Variants in SSBP3 observed in about 807,000 individuals in gnomAD.
The protein encoded by SSBP3 is single-stranded DNA-binding protein 3.
SSBP3 carries 5 observed loss-of-function variants against 69.6 expected under a neutral mutation model. That is an observed-to-expected ratio of 0.07 (90% confidence interval 0.04 to 0.15). The LOEUF (loss-of-function observed/expected upper bound fraction) is 0.15, where lower values mean the gene tolerates loss of function less well. Among genes scored for constraint, SSBP3 ranks in the 10% least tolerant of loss-of-function variants. SSBP3 has a pLI of 1.00. For missense variants in SSBP3, 312 were observed against 534.0 expected, an observed-to-expected ratio of 0.58 and a Z score of 4.10; for synonymous variants, 196 against 193.4, an observed-to-expected ratio of 1.01 and a Z score of -0.11.
chr1:54,311,217 C>A (rs1424032327), intron 4 of SSBP3, among the ~76,000 whole-genome samples: 2 of 152,134 alleles, frequency 1.3e-5, no homozygotes, highest in African/African-American at 4.8e-5. Flanking sequence ...GGGCTCAAGA[C>A]GGAAATCCAC....
chr1:54,272,048 C>T (rs1217391578), intron 5 of SSBP3, among the ~76,000 whole-genome samples: 3 of 152,156 alleles, frequency 2.0e-5, no homozygotes, highest in African/African-American at 7.2e-5. Flanking sequence ...GGATTATAGG[C>T]GTGAGCCACC....
intron 4 of SSBP3, among the ~76,000 whole-genome samples, chr1:54,295,620 G>A (rs1645690639): frequency 1.3e-5 from 2 of 152,142 alleles, no homozygotes; most frequent in Non-Finnish European, 2.9e-5. Context: ...CTGTAATATA[G>A]GACAATCTCT....
chr1:54,370,352 A>G (rs1186416392), intron 4 of SSBP3, among the ~76,000 whole-genome samples: 6 of 152,186 alleles, frequency 3.9e-5, no homozygotes, highest in Non-Finnish European at 8.8e-5. Context: ...TGGCGATGCT[A>G]TTCGATTGAT....
intron 4 of SSBP3, among the ~76,000 whole-genome samples, chr1:54,316,925 C>T (rs1646125270): frequency 6.6e-6 from 1 of 152,076 alleles, no homozygotes; most frequent in Non-Finnish European, 1.5e-5. Context: ...CACACGGCAT[C>T]CCTTCAGCCT....
chr1:54,239,264 T>C (rs1644561152), intron 13 of SSBP3, 65 bp from the exon 14 acceptor site: 3 of 1,297,932 alleles, frequency 2.3e-6, no homozygotes, highest in East Asian at 2.4e-5. Context: ...AACAAACTCA[T>C]GGCACTGGAA....
intron 4 of SSBP3, among the ~76,000 whole-genome samples, chr1:54,334,351 C>CAATA (rs35538469): frequency 0.28 from 42,640 of 150,364 alleles, 8,208 homozygotes; most frequent in East Asian, 0.54. Context: ...GACTCCCTCT[C>CAATA]AATAAATAAA....
intron 14 of SSBP3, among the ~76,000 whole-genome samples, chr1:54,235,865 C>T (rs1644482977): frequency 6.6e-6 from 1 of 152,126 alleles, no homozygotes; most frequent in African/African-American, 2.4e-5. Context: ...AAGTTGGATT[C>T]CAAATATGTT....
rs1219677788 is a variant in SSBP3, at chr1:54,406,079, G to A, written c.-71C>T. On this transcript the variant is annotated 5_prime_UTR_variant, in exon 1 of 18. Transcript: ENST00000610401. Reference sequence around the variant, plus strand: ...CCGCCGCTACCGCTCCGGCTCTCCCGAGCTGCCCCTCGCTCCCGGCCCCCT... The same window carrying A: ...CCGCCGCTACCGCTCCGGCTCTCCCAAGCTGCCCCTCGCTCCCGGCCCCCT... 6 of 1,224,368 alleles carry A rather than the reference G, an allele frequency of 4.9e-6. 1 individual carries two copies. The Admixed American group carries it at 1.9e-4, about 40-fold the overall frequency. 75.8% of individuals were successfully genotyped at this position (1,224,368 alleles called of 1,614,324 possible). A position where few individuals can be genotyped will look rare whatever the true frequency, so the allele number is the denominator to read the frequency against.
At chr1:54,389,351 T>C (rs1241481674) in intron 4 of SSBP3, among the ~76,000 whole-genome samples, 1 of 151,896 alleles carries the variant, frequency 6.6e-6, no homozygotes, top group Non-Finnish European at 1.5e-5. Context: ...GTCACATAGG[T>C]CCCAAAGCCA....
chr1:54,264,367 A>C (rs1018730699), intron 5 of SSBP3, among the ~76,000 whole-genome samples: 1 of 152,246 alleles, frequency 6.6e-6, no homozygotes, highest in Admixed American at 6.5e-5. Context: ...AAAGGAGAAA[A>C]TAAGCTATGT....
intron 4 of SSBP3, among the ~76,000 whole-genome samples, chr1:54,390,750 G>A (rs1003738688): frequency 6.6e-6 from 1 of 152,252 alleles, no homozygotes; most frequent in Non-Finnish European, 1.5e-5. Context: ...CGCGGAGATC[G>A]TGGAGAGCCC....
chr1:54,312,108 G>A (rs1646013733), intron 4 of SSBP3, among the ~76,000 whole-genome samples: 1 of 152,180 alleles, frequency 6.6e-6, no homozygotes, highest in Non-Finnish European at 1.5e-5. Context: ...CCCTTCTCAA[G>A]GAGGGTGCAG....
intron 4 of SSBP3, among the ~76,000 whole-genome samples, chr1:54,377,218 C>A (rs1485331827): frequency 6.6e-6 from 1 of 152,182 alleles, no homozygotes. Context: ...GAATGGTTTC[C>A]CCACTCCAAA....
At chr1:54,370,245 C>G (rs534215554) in intron 4 of SSBP3, among the ~76,000 whole-genome samples, 6 of 152,314 alleles carry the variant, frequency 3.9e-5, no homozygotes, top group Non-Finnish European at 7.3e-5. Flanking sequence ...CTGCATCCAA[C>G]TTTCACTTAT....
intron 4 of SSBP3, among the ~76,000 whole-genome samples, chr1:54,305,101 G>A (rs1481767744): frequency 6.6e-6 from 1 of 152,208 alleles, no homozygotes; most frequent in Non-Finnish European, 1.5e-5. Flanking sequence ...GCGTGGCGTG[G>A]GAGGCCAGGC....
chr1:54,395,237 C>A (rs564654919), intron 4 of SSBP3, among the ~76,000 whole-genome samples: 1 of 152,352 alleles, frequency 6.6e-6, no homozygotes, highest in Admixed American at 6.5e-5. Flanking sequence ...CCATGCCTCT[C>A]TCAAGGCCGT....
chr1:54,235,037 G>A (rs1000851335), intron 14 of SSBP3, among the ~76,000 whole-genome samples: 5 of 152,188 alleles, frequency 3.3e-5, no homozygotes, highest in African/African-American at 1.2e-4. Flanking sequence ...GACTCCTAGT[G>A]TCACCTAACA....
At chr1:54,385,135 T>C (rs1647983189) in intron 4 of SSBP3, among the ~76,000 whole-genome samples, 2 of 152,200 alleles carry the variant, frequency 1.3e-5, no homozygotes, top group Admixed American at 1.3e-4. Flanking sequence ...CAGCCCCTGA[T>C]GGCAGGCAGT....
chr1:54,354,319 C>T (rs1335137017), intron 4 of SSBP3, among the ~76,000 whole-genome samples: 8 of 152,190 alleles, frequency 5.3e-5, no homozygotes, highest in Non-Finnish European at 1.0e-4. Flanking sequence ...AGCAATGACA[C>T]GGTACAGTGA....
Sources: allele counts gnomAD v4.1 joint callset (sites outside exome capture counted in the v4.1 genomes callset), GRCh38; gene constraint gnomAD v4.1.1; transcripts MANE v1.5; gene names NCBI Gene and HGNC (gene_info 2026-07-23, HGNC 2026-07-21).